Variants in SMC1B observed in about 807,000 individuals in gnomAD.
SMC1B encodes the protein structural maintenance of chromosomes 1B, also known as structural maintenance of chromosomes protein 1B.
In SMC1B, 60 loss-of-function variants were observed where a neutral mutation model predicts 157.9. That is an observed-to-expected ratio of 0.38 (90% CI 0.31 to 0.47). SMC1B has a LOEUF of 0.47. Ranked by LOEUF, SMC1B falls within the 20% of genes least tolerant of loss-of-function variation. The probability of loss-of-function intolerance (pLI) is 0.99; values close to 1 mark genes in which losing one functional copy is unlikely to be tolerated. For synonymous variants in SMC1B, 445 were observed against 483.0 expected (o/e 0.92, Z 1.03); for missense variants, 1,165 against 1,426.2 (o/e 0.82, Z 2.95).
At chr22:45,354,296 T>A (rs568321879) in intron 20 of SMC1B, among the ~76,000 whole-genome samples, 164 bp from the exon 21 acceptor site, 1 of 152,332 alleles carries the variant, frequency 6.6e-6, no homozygotes, top group African/African-American at 2.4e-5. Context: ...AAAATAGCTC[T>A]TAGAATTCAT....
intron 8 of SMC1B, among the ~76,000 whole-genome samples, chr22:45,394,282 G>A (rs1173231829): frequency 6.6e-6 from 1 of 152,028 alleles, no homozygotes; most frequent in Admixed American, 6.6e-5. Context: ...CCATGATCAC[G>A]CAACTGCACT....
At chr22:45,396,723 T>C (rs534629891) in intron 6 of SMC1B, among the ~76,000 whole-genome samples, 268 of 152,158 alleles carry the variant, frequency 1.8e-3, no homozygotes, top group Non-Finnish European at 2.9e-3. Context: ...TATTTATTTA[T>C]TTTTATTTTG....
intron 12 of SMC1B, among the ~76,000 whole-genome samples, chr22:45,377,386 C>T (rs1021246454): frequency 2.6e-5 from 4 of 151,984 alleles, no homozygotes; most frequent in Non-Finnish European, 4.4e-5. Flanking sequence ...TGCCTGTAAT[C>T]CCAGCACTTT....
At chr22:45,364,810 T>C (rs2086757129) in intron 15 of SMC1B, among the ~76,000 whole-genome samples, 1 of 150,872 alleles carries the variant, frequency 6.6e-6, no homozygotes, top group African/African-American at 2.4e-5. Context: ...TAACATCTTG[T>C]AGGATCTCTT....
At chr22:45,350,541 G>T (rs1444483742) in intron 22 of SMC1B, among the ~76,000 whole-genome samples, 1 of 152,216 alleles carries the variant, frequency 6.6e-6, no homozygotes, top group Non-Finnish European at 1.5e-5. Context: ...CTCCCAAAGT[G>T]CTGGGATTAC....
At position 45,355,071 on chromosome 22, in the gene SMC1B, T is replaced by C; in HGVS notation, c.3006A>G (p.Leu1002=). 1 of 1,614,198 alleles carries C rather than the reference T, an allele frequency of 6.2e-7. No individual in the cohort carries two copies. Among genetic ancestry groups the C allele is most frequent in the Non-Finnish European group, 8.5e-7 (1 of 1,180,032 alleles). Residue 1002 remains leucine, a synonymous_variant, in exon 20 of 25, where the codon TTA becomes TTG. Coordinates refer to ENST00000357450, the MANE Select transcript of SMC1B (RefSeq NM_148674.5). The stretch of plus-strand genomic sequence containing the variant: ...CTTCCTGGGATGCTACTTGCTGCAA[T>C]AAGAGCCTAAGGTGGGCCTCGATTT... The part of the protein sequence containing the change: ...DQEIEAHLRL[L]LQQVASQEDI...
rs1023997224 is a variant in SMC1B, at chr22:45,406,771, T to C, written c.393A>G (p.Gln131=). ...TACTTACCTGAAAAACCAAACAATT[T>C]TGTGCTTTGACTATTATGCCTATCT... is the stretch of plus-strand genomic sequence containing the variant. The part of the protein sequence containing the change: ...LEKIGIIVKA[Q]NCLVFQGTVE... The change falls in exon 3 of 25, where the codon CAA becomes CAG. Residue 131 remains glutamine, a synonymous_variant. Transcript: ENST00000357450. 7 of 1,593,250 alleles carry C rather than the reference T, an allele frequency of 4.4e-6. No individual in the cohort carries two copies. In the African/African-American group the frequency reaches 6.8e-5, roughly 16 times the overall value.
chr22:45,348,762 G>T (rs969779262), intron 23 of SMC1B, among the ~76,000 whole-genome samples: 1 of 148,974 alleles, frequency 6.7e-6, no homozygotes, highest in African/African-American at 2.5e-5. Flanking sequence ...GCAGTGGCAC[G>T]GTCTCGGCTC....
chr22:45,366,488 A>G (rs1225234232), intron 15 of SMC1B, among the ~76,000 whole-genome samples: 1 of 151,752 alleles, frequency 6.6e-6, no homozygotes, highest in Non-Finnish European at 1.5e-5. Flanking sequence ...AGTTTACCTC[A>G]GAAGAAGAAA....
intron 15 of SMC1B, among the ~76,000 whole-genome samples, chr22:45,365,926 G>A (rs912278107): frequency 2.3e-4 from 35 of 152,276 alleles, no homozygotes; most frequent in African/African-American, 7.9e-4. Flanking sequence ...GTTTTTAGAT[G>A]GGATGACAAT....
At chr22:45,390,019 A>G in intron 9 of SMC1B, 122 bp from the exon 10 acceptor site, 2 of 753,864 alleles carry the variant, frequency 2.7e-6, no homozygotes, top group Non-Finnish European at 4.2e-6. Context: ...TACATACATC[A>G]TAATTAATAG....
At chr22:45,356,048 T>C (rs13053882) in intron 19 of SMC1B, among the ~76,000 whole-genome samples, 57,556 of 152,108 alleles carry the variant, frequency 0.38, 13,396 homozygotes, top group Non-Finnish European at 0.52. Flanking sequence ...CCAGCCTAGG[T>C]GACAGAGCAA....
intron 12 of SMC1B, among the ~76,000 whole-genome samples, chr22:45,378,499 T>G (rs1454222664): frequency 1.3e-5 from 2 of 152,202 alleles, no homozygotes; most frequent in African/African-American, 2.4e-5. Context: ...AACTTAATCC[T>G]CTTAATGCTA....
In SMC1B at chr22:45,361,984, C is replaced by T; in HGVS notation, c.2563G>A (p.Ala855Thr). The change falls in exon 17 of 25, where the codon GCT becomes ACT. Residue 855 changes from alanine to threonine, a missense_variant and splice_region_variant. By Grantham distance (58) the Ala-to-Thr change is moderately conservative (BLOSUM62 0). Coordinates refer to ENST00000357450, the MANE Select transcript of SMC1B (RefSeq NM_148674.5). ...GSEDIDHLKK[A>T]EENCLQTVNE... is the part of the protein sequence containing the mutation. ...ACTGTCTGCAGACAGTTTTCTTCAGCCTGAACAGAGAGGATCTGCATTGTA... is the reference window on the plus strand; with the variant it reads ...ACTGTCTGCAGACAGTTTTCTTCAGTCTGAACAGAGAGGATCTGCATTGTA... The T allele has an allele frequency of 3.1e-6, 5 of 1,613,206 alleles. No homozygotes were observed. Among genetic ancestry groups the T allele is most frequent in the Non-Finnish European group, 4.2e-6 (5 of 1,179,734 alleles).
At chr22:45,363,762 A>G (rs900627195) in intron 15 of SMC1B, among the ~76,000 whole-genome samples, 1 of 152,160 alleles carries the variant, frequency 6.6e-6, no homozygotes. Context: ...TTGCATACAG[A>G]TGATGTTTCT....
chr22:45,373,073 C>A (rs897007598), intron 12 of SMC1B, among the ~76,000 whole-genome samples: 6 of 152,118 alleles, frequency 3.9e-5, no homozygotes, highest in African/African-American at 1.4e-4. Context: ...CTGAATCTAC[C>A]TATAACTTGG....
intron 21 of SMC1B, 69 bp downstream of exon 21, chr22:45,353,893 CAAAAAAAAAAAAAAAA>C (rs3833396): frequency 1.1e-4 from 26 of 247,488 alleles, no homozygotes; most frequent in Non-Finnish European, 1.6e-4. Context: ...TATTTCCCAC[CAAAAAAAAAAAAAAAA>C]AAAAAAAAAA....
chr22:45,399,489 G>A (rs1264152754), intron 5 of SMC1B, 136 bp from the exon 6 acceptor site: 1 of 803,372 alleles, frequency 1.2e-6, no homozygotes, highest in East Asian at 2.7e-5. Context: ...CAGATCAATG[G>A]TTGCCAAAGG....
chr22:45,408,926 T>C, intron 1 of SMC1B, 28 bp from the exon 2 acceptor site: 14 of 1,376,704 alleles, frequency 1.0e-5, no homozygotes, highest in African/African-American at 1.5e-5. Flanking sequence ...TAAAACATTA[T>C]TCATTCTTAA....
Sources: gnomAD v4.1 joint callset for allele counts (sites outside exome capture counted in the v4.1 genomes callset) on GRCh38, gnomAD v4.1.1 for gene constraint, MANE v1.5 for transcripts, NCBI Gene and HGNC (gene_info 2026-07-23, HGNC 2026-07-21) for gene names.